Variants in RECQL5 observed in about 807,000 individuals in gnomAD.
RECQL5 encodes ATP-dependent DNA helicase Q5.
A neutral mutation model predicts 103.4 loss-of-function variants in RECQL5; 88 were observed. The observed-to-expected ratio is 0.85, with a 90% CI of 0.72 to 1.02. RECQL5 has a LOEUF of 1.02. RECQL5 is among the 50% of genes least tolerant of loss of function. The pLI, the probability that RECQL5 is intolerant of heterozygous loss-of-function variation, is 0.00. For missense variants in RECQL5, 1,232 were observed against 1,284.3 expected (o/e 0.96, Z 0.62); for synonymous variants, 552 against 507.9 (o/e 1.09, Z -1.17).
Position 75,627,361 on chromosome 17 carries a change from C to T in RECQL5, c.*61G>A. On this transcript the variant is annotated 3_prime_UTR_variant, in exon 20 of 20. Coordinates refer to ENST00000317905, the MANE Select transcript of RECQL5 (RefSeq NM_004259.7). ...ATGGCCCTGGCATCAGCAGGTGAGG[C>T]CCAGGATGACCCATGCTAGAATCTG... is the stretch of plus-strand genomic sequence containing the variant. 7.9e-7 allele frequency: 1 copy of T among 1,267,430 alleles called. No individual in the cohort carries two copies. Among genetic ancestry groups the T allele is most frequent in the Non-Finnish European group, 1.1e-6 (1 of 870,002 alleles). 78.5% of individuals were successfully genotyped at this position (1,267,430 alleles called of 1,614,324 possible).
intron 17 of RECQL5, 46 bp from the exon 18 acceptor site, chr17:75,628,488 T>G (rs200702052): frequency 6.3e-7 from 1 of 1,587,622 alleles, no homozygotes; most frequent in East Asian, 2.2e-5. Context: ...TCCCTTCCAC[T>G]GGCCTGCTCC....
rs972926372 is a variant in RECQL5 at position 75,640,115 on chromosome 17, C to A, written c.1230-8447G>T. On this transcript the variant is annotated intron_variant, in intron 8 of 19. Transcript: ENST00000317905. This position sits in a 1 kb window ranked among gnomAD's most constrained non-coding sequence, Gnocchi z 4.6. ...CGAGGGTGGAATCTCGGTGCTGCGA[C>A]GAGTGTGGGGCCAGCCGTGGAGGCT... 1.4e-6 allele frequency: 2 copies of A among 1,439,058 alleles called. No homozygotes were observed. The highest frequency in any genetic ancestry group is 1.8e-6 in the Non-Finnish European group (2 of 1,098,190). 89.1% of individuals were successfully genotyped at this position (1,439,058 alleles called of 1,614,324 possible). A position where few individuals can be genotyped will look rare whatever the true frequency, so the allele number is the denominator to read the frequency against.
intron 8 of RECQL5, among the ~76,000 whole-genome samples, chr17:75,643,064 A>T (rs1459342646): frequency 6.6e-6 from 1 of 152,236 alleles, no homozygotes; most frequent in Admixed American, 6.5e-5. Context: ...AACAGGTAAG[A>T]GCTGGGGTGG....
Position 75,640,403 on chromosome 17 carries a change from G to C in RECQL5, c.1230-8735C>G, listed in dbSNP as rs781170563. The C allele has an allele frequency of 7.4e-5, 107 of 1,455,584 alleles. No individual in the cohort carries two copies. The highest frequency in any genetic ancestry group is 9.5e-5 in the Non-Finnish European group (104 of 1,100,320). 90.2% of individuals were successfully genotyped at this position (1,455,584 alleles called of 1,614,324 possible). On this transcript the variant is annotated intron_variant, in intron 8 of 19. Coordinates refer to ENST00000317905, the MANE Select transcript of RECQL5 (RefSeq NM_004259.7). The surrounding 1 kb of genome is among the most constrained non-coding windows in gnomAD (Gnocchi z 4.6). ...GACCACACCATGGTGCCAGCCAGAGGGCTGGCAGAGGTGGCGGGTGTCTGC... is the reference window on the plus strand; with the variant it reads ...GACCACACCATGGTGCCAGCCAGAGCGCTGGCAGAGGTGGCGGGTGTCTGC...
chr17:75,666,520 T>C lies in RECQL5; in HGVS notation c.38A>G (p.Glu13Gly). Residue 13 changes from glutamate (E) to glycine (G), a missense_variant, in exon 2 of 20, where the codon GAG (glutamate) becomes GGG (glycine). Physicochemically the swap from Glu to Gly is moderately conservative, Grantham distance 98. Transcript: ENST00000317905. ...CTTCAGCGTACTCCGGACTCGCCGC[T>C]CAGGGTCAAAAGGAAAGGTGGTATG... ...SHHTTFPFDP[E>G]RRVRSTLKKV... The C allele has an allele frequency of 1.2e-6, 2 of 1,614,120 alleles. No individual in the cohort carries two copies. Among genetic ancestry groups the C allele is most frequent in the Non-Finnish European group, 1.7e-6 (2 of 1,180,012 alleles).
rs752637760 is a variant in RECQL5, at chr17:75,631,267, G to A, written c.1449-18C>T. 1.6e-5 allele frequency: 26 copies of A among 1,607,142 alleles called. No individual in the cohort carries two copies. Among genetic ancestry groups the A allele is most frequent in the Middle Eastern group, 1.6e-4 (1 of 6,070 alleles). ...CGTCATACCTAGGGACAGGCCAGGC[G>A]TGAGTGGCCCTGGCCTGGGCTCTGC... On this transcript the variant is annotated intron_variant, in intron 9 of 19. Coordinates refer to ENST00000317905, the MANE Select transcript of RECQL5 (RefSeq NM_004259.7).
At chr17:75,632,628 T>C (rs544107633) in intron 8 of RECQL5, among the ~76,000 whole-genome samples, 261 of 152,324 alleles carry the variant, frequency 1.7e-3, no homozygotes, top group African/African-American at 5.9e-3. Flanking sequence ...CCTCTGCCCA[T>C]GCTGGGAGCA....
intron 19 of RECQL5, 30 bp from the exon 20 acceptor site, chr17:75,627,552 G>A: frequency 6.2e-7 from 1 of 1,612,536 alleles, no homozygotes; most frequent in Non-Finnish European, 8.5e-7. Context: ...GCATGAGGAG[G>A]TGAGCGTTAG....
chr17:75,633,610 G>C, intron 8 of RECQL5: 4 of 1,210,040 alleles, frequency 3.3e-6, no homozygotes, highest in Non-Finnish European at 4.2e-6. Context: ...AGCTTGAGAG[G>C]GCCACCAGCT....
Position 75,651,190 on chromosome 17 carries a change from G to T in RECQL5, c.1225C>A (p.Leu409Met). 6.2e-7 allele frequency: 1 copy of T among 1,614,136 alleles called. No homozygotes were observed. Among genetic ancestry groups the T allele is most frequent in the Non-Finnish European group, 8.5e-7 (1 of 1,180,026 alleles). The change falls in exon 8 of 20, where the codon CTG becomes ATG. Residue 409 changes from leucine to methionine, a missense_variant. Coordinates refer to ENST00000317905, the MANE Select transcript of RECQL5 (RefSeq NM_004259.7). ...CATATAAAATAAGTCACTTACCCCAGTTCTTCACAGAAGGTCACCAGGGCA... is the reference window on the plus strand; with the variant it reads ...CATATAAAATAAGTCACTTACCCCATTTCTTCACAGAAGGTCACCAGGGCA... The part of the protein sequence containing the change: ...FDALVTFCEE[L>M]GCRHAAIAKY...
intron 1 of RECQL5, 100 bp from the exon 2 acceptor site, chr17:75,666,671 TAC>T: frequency 8.9e-7 from 1 of 1,123,520 alleles, no homozygotes; most frequent in East Asian, 2.6e-5. Flanking sequence ...TTTGCTATAT[TAC>T]ACTTAAATAA....
Position 75,629,026 on chromosome 17 carries a change from C to A in RECQL5, c.2397G>T (p.Met799Ile). The A allele has an allele frequency of 6.3e-7, 1 of 1,584,738 alleles. No individual in the cohort carries two copies. Among genetic ancestry groups the A allele is most frequent in the South Asian group, 1.2e-5 (1 of 86,680 alleles). The change falls in exon 16 of 20, where the codon ATG becomes ATT. Residue 799 changes from methionine to isoleucine, a missense_variant. Physicochemically the swap from Met to Ile is conservative, Grantham distance 10. Transcript: ENST00000317905. Reference sequence around the variant, plus strand: ...CCTCCCCTGTGTACTTCTCTGGGGCCATCGGGGGTCCCTGAACCCCCTCAC... The same window carrying A: ...CCTCCCCTGTGTACTTCTCTGGGGCAATCGGGGGTCCCTGAACCCCCTCAC... ...PSCEGVQGPP[M>I]APEKYTGEED...
chr17:75,640,386 C>T lies in RECQL5; in HGVS notation c.1230-8718G>A. The T allele has an allele frequency of 6.8e-7, 1 of 1,474,932 alleles. No individual in the cohort carries two copies. The highest frequency in any genetic ancestry group is 1.4e-5 in the South Asian group (1 of 72,780). The allele number at this position is 1,474,932 out of a possible 1,614,324, so 91.4% of individuals were successfully genotyped here. A position where few individuals can be genotyped will look rare whatever the true frequency, so the allele number is the denominator to read the frequency against. On this transcript the variant is annotated intron_variant, in intron 8 of 19. Transcript: ENST00000317905. This position sits in a 1 kb window ranked among gnomAD's most constrained non-coding sequence, Gnocchi z 4.6. The stretch of plus-strand genomic sequence containing the variant: ...CCCTGGCATCTGGGAGAGACCACAC[C>T]ATGGTGCCAGCCAGAGGGCTGGCAG...
At position 75,629,113 on chromosome 17, in the gene RECQL5, T is replaced by C. The variant is rs1375961504; in HGVS notation, c.2310A>G (p.Arg770=). 1.1e-5 allele frequency: 17 copies of C among 1,613,752 alleles called. No homozygotes were observed. The highest frequency in any genetic ancestry group is 1.4e-5 in the Non-Finnish European group (17 of 1,179,982). ...CCAGCAGAGCTGGGCTTTCCACCCT[T>C]CGGCAGAAGAAGCGGGCGATGCTCT... The part of the protein sequence containing the change: ...DSQSIARFFC[R]RVESPALLAS... Residue 770 remains arginine, a synonymous_variant, in exon 16 of 20, where the codon CGA becomes CGG. Coordinates refer to ENST00000317905, the MANE Select transcript of RECQL5 (RefSeq NM_004259.7).
At chr17:75,647,681 C>A in intron 8 of RECQL5, 1 of 993,942 alleles carries the variant, frequency 1.0e-6, no homozygotes, top group Non-Finnish European at 1.5e-6. Flanking sequence ...TGGTGTCTTC[C>A]TTTCCCATCA....
intron 7 of RECQL5, among the ~76,000 whole-genome samples, chr17:75,656,337 C>T (rs1056274382): frequency 3.3e-5 from 5 of 152,176 alleles, no homozygotes; most frequent in Non-Finnish European, 5.9e-5. Context: ...CTCAGCCTCC[C>T]AAAGTGCTGG....
chr17:75,667,044 C>T lies in RECQL5; in HGVS notation c.-15G>A, dbSNP rs116719868. 6.0e-3 allele frequency: 1,972 copies of T among 326,266 alleles called. 32 individuals are homozygous for T. Among genetic ancestry groups the T allele is most frequent in the African/African-American group, 0.041 (1,832 of 45,044 alleles). 20.2% of individuals were successfully genotyped at this position (326,266 alleles called of 1,614,324 possible). Reference sequence around the variant, plus strand: ...CCTCCCTCTCTTCACCCTAAGATATCAGAACCGGCCGTGGTCCGCCCAAGA... The same window carrying T: ...CCTCCCTCTCTTCACCCTAAGATATTAGAACCGGCCGTGGTCCGCCCAAGA... On this transcript the variant is annotated splice_region_variant and 5_prime_UTR_variant, in exon 1 of 20. The change creates a new upstream start codon in the 5' untranslated region. Coordinates refer to ENST00000317905, the MANE Select transcript of RECQL5 (RefSeq NM_004259.7).
At chr17:75,645,384 T>C (rs1489935188) in intron 8 of RECQL5, among the ~76,000 whole-genome samples, 3 of 152,226 alleles carry the variant, frequency 2.0e-5, no homozygotes, top group Admixed American at 2.0e-4. Flanking sequence ...TCCAACTCAG[T>C]TACTTACTAG....
At chr17:75,665,311 C>T in intron 2 of RECQL5, 139 bp from the exon 3 acceptor site, 1 of 713,906 alleles carries the variant, frequency 1.4e-6, no homozygotes. Flanking sequence ...CCTAATTCCC[C>T]TCCTGTCCTT....
Sources: gnomAD v4.1 joint callset for allele counts (sites outside exome capture counted in the v4.1 genomes callset) on GRCh38, gnomAD v4.1.1 for gene constraint, Gnocchi (gnomAD v3.1) non-coding constraint, MANE v1.5 for transcripts, NCBI Gene and HGNC (gene_info 2026-07-23, HGNC 2026-07-21) for gene names.